SIK3: variants seen among roughly 807,000 people sequenced by gnomAD.
SIK3 encodes serine/threonine-protein kinase SIK3.
Under a neutral mutation model 144.2 loss-of-function variants are expected in SIK3, and 28 were observed. The observed-to-expected ratio is 0.19, with a 90% CI of 0.14 to 0.27. The LOEUF is 0.27. SIK3 is among the 10% of genes least tolerant of loss of function. The pLI is 1.00. For missense variants in SIK3, 1,319 were observed against 1,776.0 expected (o/e 0.74, Z 4.62); for synonymous variants, 686 against 676.3 (o/e 1.01, Z -0.22).
chr11:116,999,606 G>GT (rs774572653), intron 1 of SIK3, among the ~76,000 whole-genome samples: 2 of 136,838 alleles, frequency 1.5e-5, no homozygotes, highest in Non-Finnish European at 1.6e-5. Flanking sequence ...TTTCTTTTTT[G>GT]TTTTTTCAGT....
At chr11:116,938,294 GGAGAGGAGAA>G (rs1565474886) in intron 3 of SIK3, among the ~76,000 whole-genome samples, 1 of 76,796 alleles carries the variant, frequency 1.3e-5, no homozygotes, top group Non-Finnish European at 2.3e-5. Context: ...GGAGAGGAGA[GGAGAGGAGAA>G]GAGAAGGAGA....
intron 1 of SIK3, among the ~76,000 whole-genome samples, chr11:116,987,404 T>C (rs1164532026): frequency 6.6e-6 from 1 of 150,914 alleles, no homozygotes; most frequent in Admixed American, 6.6e-5. Context: ...TGAGAGATAA[T>C]GAGTACAACA....
intron 1 of SIK3, among the ~76,000 whole-genome samples, chr11:116,996,242 A>G (rs1369213456): frequency 6.6e-6 from 1 of 152,108 alleles, no homozygotes; most frequent in African/African-American, 2.4e-5. Flanking sequence ...TGGGAGACAA[A>G]GGTTGCAATG....
At chr11:117,016,792 C>T (rs2135717804) in intron 1 of SIK3, among the ~76,000 whole-genome samples, 1 of 152,266 alleles carries the variant, frequency 6.6e-6, no homozygotes, top group Middle Eastern at 3.4e-3. Context: ...AACTGTACGT[C>T]AATAAAGCTG....
At chr11:117,060,639 G>A (rs928652997) in intron 1 of SIK3, among the ~76,000 whole-genome samples, 18 of 151,754 alleles carry the variant, frequency 1.2e-4, no homozygotes, top group Non-Finnish European at 2.2e-4. Flanking sequence ...GGACTGAGGA[G>A]AGGAAGGGAT....
At chr11:116,899,558 T>C (rs1241780123) in intron 4 of SIK3, among the ~76,000 whole-genome samples, 1 of 152,218 alleles carries the variant, frequency 6.6e-6, no homozygotes, top group African/African-American at 2.4e-5. Context: ...ATGCAACTTA[T>C]TTACAAACTG....
At chr11:116,870,222 C>T (rs1943894562) in intron 14 of SIK3, 109 bp downstream of exon 14, 1 of 1,561,940 alleles carries the variant, frequency 6.4e-7, no homozygotes, top group Non-Finnish European at 8.7e-7. Flanking sequence ...AGAGACCACA[C>T]AAATGTTGAA....
chr11:116,955,141 T>C (rs1949091287), intron 2 of SIK3, among the ~76,000 whole-genome samples: 1 of 152,204 alleles, frequency 6.6e-6, no homozygotes. Flanking sequence ...CTCACGCCTG[T>C]AATCCCAGCA....
intron 4 of SIK3, among the ~76,000 whole-genome samples, chr11:116,905,358 G>A (rs1438087882): frequency 6.6e-6 from 1 of 152,182 alleles, no homozygotes; most frequent in Non-Finnish European, 1.5e-5. Context: ...TTCATCATCT[G>A]TTGAACATTC....
In SIK3 at chr11:117,029,962, C is replaced by T. The variant is rs576222516; in HGVS notation, c.273+68181G>A. Among the ~76,000 whole-genome samples the T allele has an allele frequency of 2.0e-5, 3 of 151,504 alleles. No homozygotes were observed. The East Asian group carries it at 5.8e-4, about 29-fold the overall frequency. ...TCTGATTAGCTCAAAGAAGAATATA[C>T]ATAGAGAGAAGAGGGAGAGCACAGA... On this transcript the variant is annotated intron_variant, in intron 1 of 24. Transcript: ENST00000445177.
At chr11:116,876,797 C>T (rs1944283047) in intron 7 of SIK3, 127 bp downstream of exon 7, 1 of 740,990 alleles carries the variant, frequency 1.3e-6, no homozygotes, top group Non-Finnish European at 2.4e-6. Context: ...TCACGTGCTG[C>T]TTTAGTGTTA....
chr11:117,054,795 A>G (rs1953435909), intron 1 of SIK3, among the ~76,000 whole-genome samples: 1 of 152,178 alleles, frequency 6.6e-6, no homozygotes, highest in African/African-American at 2.4e-5. Context: ...AAAAATTAAG[A>G]TGTTTAAAAT....
At chr11:117,015,714 C>T (rs575918429) in intron 1 of SIK3, among the ~76,000 whole-genome samples, 4 of 152,228 alleles carry the variant, frequency 2.6e-5, no homozygotes, top group African/African-American at 7.2e-5. Context: ...TAATTACAGG[C>T]ATGTGCCACC....
chr11:117,031,635 C>T (rs967548016), intron 1 of SIK3, among the ~76,000 whole-genome samples: 3 of 151,138 alleles, frequency 2.0e-5, no homozygotes, highest in African/African-American at 7.3e-5. Context: ...GATTCTCTGC[C>T]TCACCCTCCC....
At chr11:116,876,160 A>G (rs1944241765) in intron 8 of SIK3, 93 bp downstream of exon 8, 1 of 1,499,850 alleles carries the variant, frequency 6.7e-7, no homozygotes. Context: ...AGGAGGAAAA[A>G]AAAGGCCCAA....
At chr11:116,930,831 A>G (rs1429250336) in intron 3 of SIK3, among the ~76,000 whole-genome samples, 1 of 147,846 alleles carries the variant, frequency 6.8e-6, no homozygotes, top group Non-Finnish European at 1.5e-5. Context: ...AGTCAAGTCC[A>G]TCACACTAAG....
rs773231486 is a variant in SIK3 at position 116,858,397 on chromosome 11, G to A, written c.3068C>T (p.Pro1023Leu). ...CGAGTGGCCGGTGAGCGAATGCCGG[G>A]GAGAAAGCAGTCCTTGAAGGATGTG... ...VPHILQGLLS[P>L]RHSLTGHSDI... is the part of the protein sequence containing the mutation. Residue 1023 changes from proline to leucine, a missense_variant, in exon 21 of 25, where the codon CCC (proline) becomes CTC (leucine). Pro to Leu is a moderately conservative substitution (Grantham distance 98). Coordinates refer to ENST00000445177, the MANE Select transcript of SIK3 (RefSeq NM_001366686.3). This position sits in a 1 kb window ranked among gnomAD's most constrained non-coding sequence, Gnocchi z 5.4. The A allele has an allele frequency of 2.5e-6, 4 of 1,613,310 alleles. No individual in the cohort carries two copies. The highest frequency in any genetic ancestry group is 2.5e-6 in the Non-Finnish European group (3 of 1,179,640).
chr11:117,029,606 G>A (rs1193415855), intron 1 of SIK3, among the ~76,000 whole-genome samples: 1 of 152,168 alleles, frequency 6.6e-6, no homozygotes, highest in Non-Finnish European at 1.5e-5. Flanking sequence ...CAGTGGAAAG[G>A]GGAGGTAACA....
In SIK3 at chr11:116,953,727, C is replaced by A. The variant is rs181342463; in HGVS notation, c.454+317G>T. 2.6e-5 allele frequency among the ~76,000 whole-genome samples: 4 copies of A among 152,218 alleles called. No homozygotes were observed. In the South Asian group the frequency reaches 8.3e-4, roughly 31 times the overall value. On this transcript the variant is annotated intron_variant, in intron 3 of 24. Coordinates refer to ENST00000445177, the MANE Select transcript of SIK3 (RefSeq NM_001366686.3). The stretch of plus-strand genomic sequence containing the variant: ...GTGTGAGTTCTGTCGCACTTGGTAA[C>A]CTCAATTAAAACCTGCAAACAGGAA...
Sources: allele counts gnomAD v4.1 joint callset (sites outside exome capture counted in the v4.1 genomes callset), GRCh38; gene constraint gnomAD v4.1.1; non-coding constraint Gnocchi (gnomAD v3.1); transcripts MANE v1.5; gene names NCBI Gene and HGNC (gene_info 2026-07-23, HGNC 2026-07-21).